The following SUSD6 variants were observed in gnomAD, a reference collection of about 807,000 sequenced individuals.
SUSD6 encodes sushi domain-containing protein 6.
In SUSD6, 16 loss-of-function variants were observed where a neutral mutation model predicts 28.4. That is an observed-to-expected ratio of 0.56 (90% CI 0.38 to 0.86). The LOEUF (loss-of-function observed/expected upper bound fraction) is 0.86, where lower values mean the gene tolerates loss of function less well. SUSD6 is among the 40% of genes least tolerant of loss of function. The pLI, the probability that SUSD6 is intolerant of heterozygous loss-of-function variation, is 0.00. For missense variants in SUSD6, 341 were observed against 384.2 expected (o/e 0.89, Z 0.94); for synonymous variants, 147 against 159.6 (o/e 0.92, Z 0.59).
intron 1 of SUSD6, among the ~76,000 whole-genome samples, chr14:69,650,964 A>G (rs141875609): frequency 3.2e-4 from 49 of 152,308 alleles, no homozygotes; most frequent in African/African-American, 1.0e-3. Flanking sequence ...AGTCAGAACA[A>G]TGAGGATAGA....
At chr14:69,703,888 C>A in intron 3 of SUSD6, 1 of 476,724 alleles carries the variant, frequency 2.1e-6, no homozygotes, top group South Asian at 2.2e-5. Context: ...CATGTTCTGC[C>A]CTCACAGTGA....
intron 2 of SUSD6, among the ~76,000 whole-genome samples, chr14:69,684,775 G>T (rs1309281992): frequency 6.6e-6 from 1 of 152,224 alleles, no homozygotes; most frequent in Non-Finnish European, 1.5e-5. Context: ...GACTTCCCCT[G>T]CCAGGAGATG....
intron 1 of SUSD6, among the ~76,000 whole-genome samples, chr14:69,644,090 A>G (rs879334006): frequency 6.6e-6 from 1 of 152,102 alleles, no homozygotes; most frequent in Admixed American, 6.5e-5. Context: ...TTTGTGTCTT[A>G]TATATATACA....
intron 4 of SUSD6, among the ~76,000 whole-genome samples, chr14:69,705,357 A>G (rs868514882): frequency 2.6e-5 from 4 of 151,902 alleles, no homozygotes; most frequent in Non-Finnish European, 5.9e-5. Flanking sequence ...AATCTGTTCA[A>G]TTCCAAAGCC....
intron 2 of SUSD6, among the ~76,000 whole-genome samples, chr14:69,677,471 T>C (rs1885928679): frequency 6.7e-6 from 1 of 149,516 alleles, no homozygotes; most frequent in Non-Finnish European, 1.5e-5. Context: ...GGCATGAACC[T>C]GGGAGGCGGA....
At chr14:69,693,316 C>G (rs550573508) in intron 2 of SUSD6, among the ~76,000 whole-genome samples, 1 of 138,350 alleles carries the variant, frequency 7.2e-6, no homozygotes, top group Non-Finnish European at 1.6e-5. Context: ...AGCTGGCAGC[C>G]TGTTTCCCTG....
chr14:69,631,316 A>G (rs1018902422), intron 1 of SUSD6, among the ~76,000 whole-genome samples: 5 of 152,234 alleles, frequency 3.3e-5, no homozygotes, highest in African/African-American at 4.8e-5. Context: ...CTCCTAGTCC[A>G]TAGTATATCT....
chr14:69,714,568 GT>G lies in SUSD6; in HGVS notation c.*3590del, dbSNP rs1258864870. 1 of 152,298 alleles carries G rather than the reference GT, an allele frequency of 6.6e-6. No individual in the cohort carries two copies. The highest frequency in any genetic ancestry group is 2.4e-5 in the African/African-American group (1 of 41,460). 9.4% of individuals were successfully genotyped at this position (152,298 alleles called of 1,614,324 possible). A position where few individuals can be genotyped will look rare whatever the true frequency, so the allele number is the denominator to read the frequency against. On this transcript the variant is annotated 3_prime_UTR_variant, in exon 6 of 6. Coordinates refer to ENST00000342745, the MANE Select transcript of SUSD6 (RefSeq NM_014734.4). Reference sequence around the variant, plus strand: ...TCTGTCAGCTCTCGGAATAGGGACAGTCCTTACTGGTGCCCCAAGGTGGGAC... The same window carrying G: ...TCTGTCAGCTCTCGGAATAGGGACAGCCTTACTGGTGCCCCAAGGTGGGAC...
At chr14:69,619,563 G>T (rs1019364744) in intron 1 of SUSD6, among the ~76,000 whole-genome samples, 1 of 150,168 alleles carries the variant, frequency 6.7e-6, no homozygotes, top group African/African-American at 2.5e-5. Flanking sequence ...TTCAAGACTA[G>T]CCTGGGCAGC....
At chr14:69,660,827 A>G (rs1447171395) in intron 2 of SUSD6, among the ~76,000 whole-genome samples, 1 of 152,358 alleles carries the variant, frequency 6.6e-6, no homozygotes, top group South Asian at 2.1e-4. Flanking sequence ...TCATTCATGT[A>G]TATATTGTCT....
At chr14:69,703,622 G>A in intron 3 of SUSD6, 30 bp downstream of exon 3, 1 of 1,599,178 alleles carries the variant, frequency 6.3e-7, no homozygotes, top group Non-Finnish European at 8.6e-7. Context: ...AAGGGATGCT[G>A]CTGGGGTTCT....
chr14:69,673,783 C>T (rs560932579), intron 2 of SUSD6, among the ~76,000 whole-genome samples: 4 of 152,282 alleles, frequency 2.6e-5, no homozygotes, highest in Admixed American at 6.5e-5. Context: ...AGAACGGGAC[C>T]CTGAGCCGGG....
intron 2 of SUSD6, among the ~76,000 whole-genome samples, chr14:69,679,929 G>A (rs967298808): frequency 2.0e-5 from 3 of 152,126 alleles, no homozygotes; most frequent in Non-Finnish European, 4.4e-5. Context: ...TTAATTTTAT[G>A]CCTTCTCAGA....
intron 3 of SUSD6, 70 bp downstream of exon 3, chr14:69,703,662 A>ATG: frequency 7.0e-7 from 1 of 1,431,344 alleles, no homozygotes; most frequent in Non-Finnish European, 9.8e-7. Flanking sequence ...GATGCAAAGC[A>ATG]TGCTTCCTCC....
chr14:69,666,598 T>C (rs1885745159), intron 2 of SUSD6, among the ~76,000 whole-genome samples: 1 of 152,224 alleles, frequency 6.6e-6, no homozygotes, highest in Admixed American at 6.5e-5. Flanking sequence ...TCCTCTTGCT[T>C]TTCGTAGCTA....
chr14:69,684,618 G>A lies in SUSD6; in HGVS notation c.122-18777G>A, dbSNP rs987851444. Among the ~76,000 whole-genome samples the A allele has an allele frequency of 2.0e-5, 3 of 152,184 alleles. No individual in the cohort carries two copies. The East Asian group carries it at 5.8e-4, about 29-fold the overall frequency. ...GTCCCTGGGCTGGGCCTGCTGACTT[G>A]CCCCAAGTGCCTTGGCACAGACCGT... On this transcript the variant is annotated intron_variant, in intron 2 of 5. Coordinates refer to ENST00000342745, the MANE Select transcript of SUSD6 (RefSeq NM_014734.4).
At chr14:69,645,740 G>A (rs1440343743) in intron 1 of SUSD6, among the ~76,000 whole-genome samples, 5 of 149,724 alleles carry the variant, frequency 3.3e-5, no homozygotes, top group South Asian at 2.1e-4. Context: ...CCCTTATTAC[G>A]TCCACTTTCT....
intron 2 of SUSD6, among the ~76,000 whole-genome samples, chr14:69,694,078 G>A (rs1445712761): frequency 9.4e-6 from 1 of 106,480 alleles, no homozygotes. Flanking sequence ...TGGATTATTT[G>A]TCAGGTACTA....
At chr14:69,653,621 A>AT (rs373853179) in intron 1 of SUSD6, among the ~76,000 whole-genome samples, 2 of 151,738 alleles carry the variant, frequency 1.3e-5, no homozygotes, top group South Asian at 2.1e-4. Context: ...TTCAGTGATA[A>AT]TTTTTTTTAA....
Sources: allele counts gnomAD v4.1 joint callset (sites outside exome capture counted in the v4.1 genomes callset), GRCh38; gene constraint gnomAD v4.1.1; transcripts MANE v1.5; gene names NCBI Gene and HGNC (gene_info 2026-07-23, HGNC 2026-07-21).